The following EDARADD variants were observed in gnomAD, a reference collection of about 807,000 sequenced individuals.
The protein encoded by EDARADD is ectodysplasin-A receptor-associated adapter protein.
A neutral mutation model predicts 25.6 loss-of-function variants in EDARADD; 20 were observed. The ratio of observed to expected loss-of-function variants is 0.78; its 90% CI spans 0.55 to 1.14. The LOEUF (loss-of-function observed/expected upper bound fraction) is 1.14, where lower values mean the gene tolerates loss of function less well. Among genes scored for constraint, EDARADD ranks in the 50% most tolerant of loss-of-function variants. EDARADD has a pLI of 0.00. For synonymous variants in EDARADD, 86 were observed against 94.4 expected, an observed-to-expected ratio of 0.91 and a Z score of 0.52; for missense variants, 225 against 270.1, an observed-to-expected ratio of 0.83 and a Z score of 1.17.
intron 1 of EDARADD, among the ~76,000 whole-genome samples, chr1:236,399,024 A>T (rs570005589): frequency 1.3e-5 from 2 of 152,228 alleles, no homozygotes; most frequent in South Asian, 4.1e-4. Context: ...GGGGGAGAAA[A>T]AGCTCTTCCC....
At chr1:236,446,854 A>G (rs548715121) in intron 4 of EDARADD, among the ~76,000 whole-genome samples, 2 of 152,350 alleles carry the variant, frequency 1.3e-5, no homozygotes, top group Non-Finnish European at 2.9e-5. Flanking sequence ...TTGGTCCTCA[A>G]TGTCATGCAT....
intron 3 of EDARADD, among the ~76,000 whole-genome samples, chr1:236,363,146 G>A (rs979047171): frequency 5.4e-5 from 8 of 148,934 alleles, no homozygotes; most frequent in African/African-American, 2.0e-4. Context: ...GGGATTACAG[G>A]CATGAACCAC....
intron 3 of EDARADD, among the ~76,000 whole-genome samples, chr1:236,377,301 G>A (rs1346045239): frequency 6.7e-6 from 1 of 150,354 alleles, no homozygotes; most frequent in Non-Finnish European, 1.5e-5. Flanking sequence ...GATTACAGGG[G>A]CATGCCACCA....
chr1:236,441,281 A>T (rs944071988), intron 4 of EDARADD, among the ~76,000 whole-genome samples: 4 of 145,048 alleles, frequency 2.8e-5, no homozygotes, highest in Non-Finnish European at 4.5e-5. Flanking sequence ...ATATATATAT[A>T]TTATATATAT....
At position 236,364,640 on chromosome 1, in the gene EDARADD, C is replaced by T. The variant is rs192898164; in HGVS notation, c.-6+13801C>T. Among the ~76,000 whole-genome samples the T allele has an allele frequency of 1.5e-4, 23 of 152,256 alleles. No individual in the cohort carries two copies. In the East Asian group the frequency reaches 4.4e-3, roughly 29 times the overall value. On this transcript the variant is annotated intron_variant, in intron 3 of 7. Coordinates refer to the EDARADD transcript ENST00000439430. The stretch of plus-strand genomic sequence containing the variant: ...TCAGATTAATCCTTAAGTATTTCAT[C>T]ATCTTTTAGAATTCTATTGTAAATT...
intron 1 of EDARADD, among the ~76,000 whole-genome samples, chr1:236,399,727 G>A (rs985075894): frequency 2.6e-5 from 4 of 152,214 alleles, no homozygotes; most frequent in African/African-American, 9.6e-5. Context: ...ACAAACAACC[G>A]GGCTTTGAAG....
chr1:236,365,622 A>G (rs918438508), intron 3 of EDARADD, among the ~76,000 whole-genome samples: 1 of 152,090 alleles, frequency 6.6e-6, no homozygotes, highest in Non-Finnish European at 1.5e-5. Context: ...ACTTTACTTC[A>G]TGAATCTTGG....
chr1:236,483,399 A>G lies in EDARADD; in HGVS notation c.*750A>G, dbSNP rs11544496. On this transcript the variant is annotated 3_prime_UTR_variant, in exon 6 of 6. Transcript: ENST00000334232. The stretch of plus-strand genomic sequence containing the variant: ...TAAAACTATTGCACCTGTCCTGGTT[A>G]GCAAGAAACTGAACGTCACAGAACA... 3.1e-6 allele frequency: 4 copies of G among 1,274,510 alleles called. No homozygotes were observed. Among genetic ancestry groups the G allele is most frequent in the Non-Finnish European group, 4.6e-6 (4 of 873,218 alleles). 79.0% of individuals were successfully genotyped at this position (1,274,510 alleles called of 1,614,324 possible).
chr1:236,416,728 T>C (rs1029135259), intron 3 of EDARADD, among the ~76,000 whole-genome samples: 2 of 152,218 alleles, frequency 1.3e-5, no homozygotes, highest in South Asian at 2.1e-4. Context: ...AAATGAACCA[T>C]GTCTAGAAGT....
chr1:236,391,139 C>G (rs965013534), upstream of EDARADD, among the ~76,000 whole-genome samples: 1 of 151,934 alleles, frequency 6.6e-6, no homozygotes, highest in African/African-American at 2.4e-5. Context: ...GACCGGTCCC[C>G]CTGTCCCTGT....
At chr1:236,393,391 C>CTTTTTTTTTTTTTTTTTTTTTTTTTTTTT (rs761525038), upstream of EDARADD, among the ~76,000 whole-genome samples, 21 of 87,212 alleles carry the variant, frequency 2.4e-4, 2 homozygotes, top group African/African-American at 8.3e-4. Context: ...TTCTTTCTTT[C>CTTTTTTTTTTTTTTTTTTTTTTTTTTTTT]TTTTTTTTTT....
At chr1:236,447,167 TCC>T in intron 4 of EDARADD, among the ~76,000 whole-genome samples, 1 of 113,988 alleles carries the variant, frequency 8.8e-6, no homozygotes, top group Non-Finnish European at 1.7e-5. Context: ...CCTCCCTCCC[TCC>T]CTCTTTCTTT....
intron 4 of EDARADD, among the ~76,000 whole-genome samples, chr1:236,444,482 C>A (rs1658479595): frequency 6.6e-6 from 1 of 152,114 alleles, no homozygotes; most frequent in African/African-American, 2.4e-5. Context: ...AGTGCAGTGG[C>A]ACAATTTCGG....
chr1:236,465,654 G>T (rs1659166960), intron 4 of EDARADD, among the ~76,000 whole-genome samples: 2 of 152,086 alleles, frequency 1.3e-5, no homozygotes, highest in Admixed American at 1.3e-4. Context: ...CCATTTCCCA[G>T]CATATCTTGA....
At chr1:236,475,135 AAAAAC>A (rs1259714426) in intron 5 of EDARADD, among the ~76,000 whole-genome samples, 2 of 151,192 alleles carry the variant, frequency 1.3e-5, no homozygotes, top group African/African-American at 4.8e-5. Context: ...CTCCGTCTCA[AAAAAC>A]AAAACAAAAC....
chr1:236,465,283 G>A (rs1558133852), intron 4 of EDARADD, among the ~76,000 whole-genome samples: 1 of 152,162 alleles, frequency 6.6e-6, no homozygotes, highest in East Asian at 1.9e-4. Flanking sequence ...CCTGCTTCAG[G>A]CGAGAGCCCC....
At chr1:236,402,328 T>C (rs1038456740) in intron 1 of EDARADD, among the ~76,000 whole-genome samples, 1 of 152,124 alleles carries the variant, frequency 6.6e-6, no homozygotes, top group African/African-American at 2.4e-5. Context: ...CCCAGCATTT[T>C]GGGAAGCCAA....
chr1:236,422,960 T>C (rs1657819552), intron 3 of EDARADD, among the ~76,000 whole-genome samples: 1 of 152,226 alleles, frequency 6.6e-6, no homozygotes, highest in African/African-American at 2.4e-5. Flanking sequence ...GAGCCCAGTA[T>C]GCAGCTAGCA....
At chr1:236,416,218 C>T (rs1000501337) in intron 3 of EDARADD, among the ~76,000 whole-genome samples, 12 of 152,184 alleles carry the variant, frequency 7.9e-5, no homozygotes, top group Non-Finnish European at 1.8e-4. Flanking sequence ...TCCCAGGGTG[C>T]TGGTGAGAAT....
Sources: gnomAD v4.1 joint callset for allele counts (sites outside exome capture counted in the v4.1 genomes callset) on GRCh38, gnomAD v4.1.1 for gene constraint, MANE v1.5 for transcripts, NCBI Gene and HGNC (gene_info 2026-07-23, HGNC 2026-07-21) for gene names.